IL1RAPL1: variants seen among roughly 807,000 people sequenced by gnomAD.
IL1RAPL1 encodes interleukin 1 receptor accessory protein like 1.
A neutral mutation model predicts 48.4 loss-of-function variants in IL1RAPL1; 3 were observed. The observed-to-expected ratio is 0.06, with a 90% CI of 0.03 to 0.16. IL1RAPL1 has a LOEUF of 0.16. Among genes scored for constraint, IL1RAPL1 ranks in the 10% least tolerant of loss-of-function variants. IL1RAPL1 has a pLI of 1.00. For missense variants in IL1RAPL1, 349 were observed against 530.6 expected (o/e 0.66, Z 3.36); for synonymous variants, 185 against 187.7 (o/e 0.99, Z 0.12).
chrX:29,639,369 G>C (rs893964367), intron 5 of IL1RAPL1, among the ~76,000 whole-genome samples: 3 of 110,127 alleles, frequency 2.7e-5, no homozygotes, highest in African/African-American at 9.9e-5. Flanking sequence ...CTCTTAGCTG[G>C]TTGATTCCAG....
chrX:29,693,238 C>A (rs1404008983), intron 6 of IL1RAPL1, among the ~76,000 whole-genome samples: 1 of 112,255 alleles, frequency 8.9e-6, no homozygotes, highest in East Asian at 2.8e-4. Context: ...TCACTGAGCC[C>A]TTCTGGAGGT....
intron 3 of IL1RAPL1, among the ~76,000 whole-genome samples, chrX:29,381,928 A>G (rs1252097951): frequency 9.4e-6 from 1 of 106,567 alleles, no homozygotes; most frequent in Non-Finnish European, 1.9e-5. Flanking sequence ...ATCAGTAACC[A>G]CAAAGTCAAA....
intron 2 of IL1RAPL1, among the ~76,000 whole-genome samples, chrX:29,118,242 C>A (rs1490431370): frequency 8.9e-6 from 1 of 112,146 alleles, no homozygotes; most frequent in Non-Finnish European, 1.9e-5. Context: ...ATAATAGCTA[C>A]ATTTATTGAT....
chrX:28,841,563 A>C (rs1452274721), intron 2 of IL1RAPL1, among the ~76,000 whole-genome samples: 2 of 110,912 alleles, frequency 1.8e-5, no homozygotes, highest in Non-Finnish European at 3.8e-5. Flanking sequence ...TTTTAATATA[A>C]ATTTAAAAAG....
intron 1 of IL1RAPL1, among the ~76,000 whole-genome samples, chrX:28,748,741 C>G (rs1936007346): frequency 9.0e-6 from 1 of 111,300 alleles, no homozygotes; most frequent in South Asian, 3.8e-4. Flanking sequence ...ATGTTCAAAT[C>G]AATGTACTTA....
rs139194010 is a variant in IL1RAPL1, at chrX:28,672,768, T to C, written c.-25+84721T>C. On this transcript the variant is annotated intron_variant, in intron 1 of 10. Transcript: ENST00000378993. ...AATCCTTTAAAAAAAATATTCATTC[T>C]TGTGGGCTTTTGACTTTCTCATTTC... is the stretch of plus-strand genomic sequence containing the variant. Among the ~76,000 whole-genome samples, 415 of 111,917 alleles carry C rather than the reference T, an allele frequency of 3.7e-3. 5 individuals are homozygous for C. The highest frequency in any genetic ancestry group is 0.013 in the African/African-American group (391 of 30,814).
intron 2 of IL1RAPL1, among the ~76,000 whole-genome samples, chrX:28,798,779 A>G (rs1936642338): frequency 1.8e-5 from 2 of 111,648 alleles, no homozygotes; most frequent in African/African-American, 6.5e-5. Flanking sequence ...TGTGCAATCC[A>G]TGGTGCATGA....
intron 2 of IL1RAPL1, among the ~76,000 whole-genome samples, chrX:28,928,924 A>ATTTT (rs1923815109): frequency 8.9e-6 from 1 of 112,286 alleles, no homozygotes; most frequent in Non-Finnish European, 1.9e-5. Flanking sequence ...AGTCAAAACA[A>ATTTT]ACTGTACTGT....
chrX:29,277,332 G>C (rs1254871774), intron 2 of IL1RAPL1, among the ~76,000 whole-genome samples: 3 of 111,643 alleles, frequency 2.7e-5, no homozygotes. Context: ...AACACTAAGA[G>C]AAGTAAAAAA....
intron 1 of IL1RAPL1, among the ~76,000 whole-genome samples, chrX:28,776,528 C>T (rs185057483): frequency 8.9e-6 from 1 of 111,892 alleles, no homozygotes; most frequent in Non-Finnish European, 1.9e-5. Context: ...ACTTTGCAAG[C>T]CCACAGTTTC....
rs774137092 is a variant in IL1RAPL1 at position 29,489,750 on chromosome X, A to G, written c.703+90442A>G. Reference sequence around the variant, plus strand: ...TATCTGCCACCAACATCTTATAGTTAAAATAGTATGCAAACTAATGGTCGT... The same window carrying G: ...TATCTGCCACCAACATCTTATAGTTGAAATAGTATGCAAACTAATGGTCGT... On this transcript the variant is annotated intron_variant, in intron 5 of 10. Coordinates refer to ENST00000378993, the MANE Select transcript of IL1RAPL1 (RefSeq NM_014271.4). Among the ~76,000 whole-genome samples the G allele has an allele frequency of 4.5e-5, 5 of 112,119 alleles. No individual in the cohort carries two copies. The South Asian group carries it at 1.1e-3, about 25-fold the overall frequency.
chrX:29,072,331 T>G (rs1927582737), intron 2 of IL1RAPL1, among the ~76,000 whole-genome samples: 1 of 111,670 alleles, frequency 9.0e-6, no homozygotes, highest in Admixed American at 9.5e-5. Context: ...AATCTTAAAT[T>G]ACTGGCACTT....
At chrX:29,689,589 A>G (rs1787776046) in intron 6 of IL1RAPL1, among the ~76,000 whole-genome samples, 1 of 111,450 alleles carries the variant, frequency 9.0e-6, no homozygotes, top group African/African-American at 3.3e-5. Context: ...TGTTATGTGA[A>G]CTCTACCTTA....
chrX:29,748,445 G>A (rs1040315096), intron 6 of IL1RAPL1, among the ~76,000 whole-genome samples: 1 of 112,532 alleles, frequency 8.9e-6, no homozygotes, highest in Non-Finnish European at 1.9e-5. Context: ...TTCTTTGGGA[G>A]GTAATAATTA....
chrX:29,003,775 C>T (rs746961257), intron 2 of IL1RAPL1, among the ~76,000 whole-genome samples: 1 of 111,884 alleles, frequency 8.9e-6, no homozygotes, highest in South Asian at 3.7e-4. Flanking sequence ...ACTTATAACA[C>T]CTATTAATTT....
At chrX:29,784,719 G>C (rs1339634981) in intron 6 of IL1RAPL1, among the ~76,000 whole-genome samples, 2 of 109,072 alleles carry the variant, frequency 1.8e-5, no homozygotes, top group Non-Finnish European at 3.8e-5. Flanking sequence ...TTCCAGCTGA[G>C]AGGAATGGTT....
intron 2 of IL1RAPL1, among the ~76,000 whole-genome samples, chrX:29,275,516 G>A (rs1180296558): frequency 8.9e-6 from 1 of 111,830 alleles, no homozygotes; most frequent in African/African-American, 3.3e-5. Context: ...AAATTATCAG[G>A]TTTTGAACGA....
At chrX:28,981,599 T>G (rs1925343384) in intron 2 of IL1RAPL1, among the ~76,000 whole-genome samples, 1 of 112,176 alleles carries the variant, frequency 8.9e-6, no homozygotes, top group African/African-American at 3.2e-5. Context: ...CTTACACTTC[T>G]TAGCAAGATA....
intron 2 of IL1RAPL1, among the ~76,000 whole-genome samples, chrX:28,817,541 A>G (rs142184490): frequency 1.5e-3 from 171 of 111,523 alleles, no homozygotes; most frequent in African/African-American, 5.4e-3. Context: ...ACATTTCTGA[A>G]CCAATTGTAC....
Sources: allele counts gnomAD v4.1 joint callset (sites outside exome capture counted in the v4.1 genomes callset), GRCh38; gene constraint gnomAD v4.1.1; transcripts MANE v1.5; gene names NCBI Gene and HGNC (gene_info 2026-07-23, HGNC 2026-07-21).